BCKDHB: variants seen among roughly 807,000 people sequenced by gnomAD.
BCKDHB encodes the protein 2-oxoisovalerate dehydrogenase subunit beta, mitochondrial.
In BCKDHB, 41 loss-of-function variants were observed where a neutral mutation model predicts 48.5. The ratio of observed to expected loss-of-function variants is 0.85; its 90% CI spans 0.66 to 1.10. The LOEUF (loss-of-function observed/expected upper bound fraction) is 1.10. Among genes scored for constraint, BCKDHB ranks in the 50% least tolerant of loss-of-function variants. The pLI is 0.00. For synonymous variants in BCKDHB, 201 were observed against 174.8 expected (o/e 1.15, Z -1.18); for missense variants, 496 against 494.2 (o/e 1.00, Z -0.03).
intron 4 of BCKDHB, 53 bp from the exon 5 acceptor site, chr6:80,168,822 T>C (rs1285764323): frequency 1.6e-5 from 16 of 1,024,990 alleles, no homozygotes; most frequent in Non-Finnish European, 2.2e-5. Flanking sequence ...CGGAAGGAGA[T>C]TGGAAGGGAA....
intron 3 of BCKDHB, among the ~76,000 whole-genome samples, chr6:80,155,067 A>T (rs181307807): frequency 2.0e-5 from 3 of 152,300 alleles, no homozygotes; most frequent in Admixed American, 1.3e-4. Context: ...AGTTTGAAGT[A>T]GCCCTTTTTA....
chr6:80,377,285 G>T, the BCKDHB span, among the ~76,000 whole-genome samples: 10 of 151,964 alleles, frequency 6.6e-5, no homozygotes, highest in Non-Finnish European at 1.5e-4. Flanking sequence ...CAAGTGATCT[G>T]TCCTCCTCGG....
chr6:80,409,605 T>C, the BCKDHB span, among the ~76,000 whole-genome samples: 1 of 68,310 alleles, frequency 1.5e-5, no homozygotes, highest in Admixed American at 1.4e-4. Flanking sequence ...TATATATATA[T>C]ATATATATAT....
chr6:80,298,230 A>AAG (rs1244017579), intron 9 of BCKDHB, among the ~76,000 whole-genome samples: 1 of 152,072 alleles, frequency 6.6e-6, no homozygotes, highest in Admixed American at 6.5e-5. Flanking sequence ...CTCATACCTT[A>AAG]GCCTCTCAAG....
chr6:80,358,759 G>A, the BCKDHB span, among the ~76,000 whole-genome samples: 1 of 152,162 alleles, frequency 6.6e-6, no homozygotes, highest in African/African-American at 2.4e-5. Context: ...TAAGAACAGA[G>A]TTTTACTTTG....
chr6:80,247,837 A>T (rs1389010976), intron 8 of BCKDHB, among the ~76,000 whole-genome samples: 1 of 152,186 alleles, frequency 6.6e-6, no homozygotes, highest in Non-Finnish European at 1.5e-5. Flanking sequence ...CTATGTTGTG[A>T]TGAGGACCAC....
chr6:80,110,365 C>A (rs1769350118), intron 1 of BCKDHB, among the ~76,000 whole-genome samples: 1 of 152,134 alleles, frequency 6.6e-6, no homozygotes, highest in Non-Finnish European at 1.5e-5. Context: ...ACTTGGTATC[C>A]CCTATCTGCC....
At chr6:80,382,186 TC>T in the BCKDHB span, among the ~76,000 whole-genome samples, 1 of 152,144 alleles carries the variant, frequency 6.6e-6, no homozygotes, top group Non-Finnish European at 1.5e-5. Context: ...CTCTCAACCA[TC>T]AAATCAGTTT....
At chr6:80,271,865 G>A (rs61198482) in intron 8 of BCKDHB, among the ~76,000 whole-genome samples, 16,536 of 145,228 alleles carry the variant, frequency 0.11, 1,128 homozygotes, top group South Asian at 0.26. Context: ...TTTTTTCATT[G>A]TTTATTCTTA....
At chr6:80,463,894 C>A in the BCKDHB span, among the ~76,000 whole-genome samples, 2 of 152,082 alleles carry the variant, frequency 1.3e-5, no homozygotes, top group East Asian at 3.9e-4. Context: ...TGGGCCTTGT[C>A]CATCTGCTGT....
the BCKDHB span, chr6:80,440,639 G>A: frequency 2.1e-5 from 3 of 146,168 alleles, no homozygotes; most frequent in East Asian, 2.0e-4. Flanking sequence ...TTTTCTGAAC[G>A]TGTGTCTCTA....
At position 80,273,226 on chromosome 6, in the gene BCKDHB, A is replaced by T. The variant is rs569868468; in HGVS notation, c.1038+5A>T. The T allele has an allele frequency of 3.2e-5, 52 of 1,612,650 alleles. No individual in the cohort carries two copies. In the South Asian group the frequency reaches 5.4e-4, roughly 17 times the overall value. On this transcript the variant is annotated splice_donor_5th_base_variant and intron_variant, in intron 9 of 9. Coordinates refer to ENST00000320393, the MANE Select transcript of BCKDHB (RefSeq NM_183050.4). ...GAAATCAGCTCTACAGTTCAGGTAG[A>T]GTAATTTTTGGAACTGATTTCAATG...
At chr6:80,118,322 T>C (rs1303113738) in intron 1 of BCKDHB, among the ~76,000 whole-genome samples, 3 of 152,214 alleles carry the variant, frequency 2.0e-5, no homozygotes, top group Non-Finnish European at 2.9e-5. Flanking sequence ...GTCTAGTAAG[T>C]GTGCAATAGC....
intron 8 of BCKDHB, among the ~76,000 whole-genome samples, chr6:80,270,738 T>C (rs1045318879): frequency 2.6e-5 from 4 of 152,160 alleles, no homozygotes; most frequent in Admixed American, 2.6e-4. Flanking sequence ...GAGCTGGATA[T>C]GGTCCTGACC....
chr6:80,111,513 A>G (rs993046715), intron 1 of BCKDHB, among the ~76,000 whole-genome samples: 3 of 152,180 alleles, frequency 2.0e-5, no homozygotes, highest in East Asian at 3.9e-4. Context: ...TTTTTCTTGC[A>G]TTTGAAGCAA....
Position 80,112,198 on chromosome 6 carries a change from C to T in BCKDHB, c.196+5309C>T, listed in dbSNP as rs1012766252. On this transcript the variant is annotated intron_variant, in intron 1 of 9. Coordinates refer to ENST00000320393, the MANE Select transcript of BCKDHB (RefSeq NM_183050.4). ...GTATACACAAACACAAATGAAGATCCAATAGCTTTTTACCTTGGAACTCTA... is the reference window on the plus strand; with the variant it reads ...GTATACACAAACACAAATGAAGATCTAATAGCTTTTTACCTTGGAACTCTA... 2.6e-5 allele frequency among the ~76,000 whole-genome samples: 4 copies of T among 152,216 alleles called. No homozygotes were observed. In the East Asian group the frequency reaches 7.7e-4, roughly 29 times the overall value.
the BCKDHB span, among the ~76,000 whole-genome samples, chr6:80,464,225 TC>T: frequency 6.6e-6 from 1 of 152,234 alleles, no homozygotes; most frequent in Middle Eastern, 3.4e-3. Context: ...TCTCCTGGGT[TC>T]AAGTGATTCT....
upstream of BCKDHB, chr6:80,106,646 C>T (rs1203609821): frequency 1.3e-6 from 2 of 1,536,424 alleles, no homozygotes; most frequent in Non-Finnish European, 1.8e-6. Context: ...GCCCTCCCCG[C>T]AGGCGGCGTG....
At chr6:80,288,496 T>A (rs757657477) in intron 9 of BCKDHB, among the ~76,000 whole-genome samples, 1 of 152,060 alleles carries the variant, frequency 6.6e-6, no homozygotes, top group Non-Finnish European at 1.5e-5. Flanking sequence ...AAGATCAGGA[T>A]CTCATAGAAA....
Sources: allele counts gnomAD v4.1 joint callset (sites outside exome capture counted in the v4.1 genomes callset), GRCh38; gene constraint gnomAD v4.1.1; transcripts MANE v1.5; gene names NCBI Gene and HGNC (gene_info 2026-07-23, HGNC 2026-07-21).